Variants in RBMS3 observed in about 807,000 individuals in gnomAD.
RBMS3 encodes the protein RNA binding motif single stranded interacting protein 3.
Under a neutral mutation model 66.8 loss-of-function variants are expected in RBMS3, and 27 were observed. That is an observed-to-expected ratio of 0.40 (90% CI 0.30 to 0.56). RBMS3 has a LOEUF of 0.56. Ranked by LOEUF, RBMS3 falls within the 20% of genes least tolerant of loss-of-function variation. RBMS3 has a pLI of 0.40. For synonymous variants in RBMS3, 188 were observed against 183.0 expected (o/e 1.03, Z -0.22); for missense variants, 513 against 549.5 (o/e 0.93, Z 0.66).
intron 4 of RBMS3, among the ~76,000 whole-genome samples, chr3:29,611,499 G>GTATTTGATGTGTTA: frequency 6.6e-6 from 1 of 151,846 alleles, no homozygotes; most frequent in East Asian, 1.9e-4. Flanking sequence ...ATTTGGATGA[G>GTATTTGATGTGTTA]TTTGATGTGT....
intron 4 of RBMS3, among the ~76,000 whole-genome samples, chr3:29,739,324 C>A (rs528942821): frequency 2.8e-4 from 42 of 152,044 alleles, no homozygotes; most frequent in African/African-American, 9.6e-4. Flanking sequence ...GGCGTGGTGG[C>A]GGGCGCCTGT....
At chr3:29,901,274 A>G (rs1410409189) in intron 10 of RBMS3, among the ~76,000 whole-genome samples, 2 of 151,834 alleles carry the variant, frequency 1.3e-5, no homozygotes, top group Non-Finnish European at 2.9e-5. Flanking sequence ...AAAAGGAAAG[A>G]AGTCCTGCCA....
intron 1 of RBMS3, among the ~76,000 whole-genome samples, chr3:29,348,424 A>C (rs1348694220): frequency 1.3e-5 from 2 of 152,300 alleles, no homozygotes; most frequent in Non-Finnish European, 2.9e-5. Flanking sequence ...TTGTTCATCG[A>C]GCATATAGTC....
intron 2 of RBMS3, among the ~76,000 whole-genome samples, chr3:29,471,223 C>CT (rs1161410943): frequency 3.3e-5 from 5 of 152,160 alleles, no homozygotes; most frequent in Non-Finnish European, 7.4e-5. Flanking sequence ...TTTTCCAACT[C>CT]TGAGTTTATG....
intron 4 of RBMS3, among the ~76,000 whole-genome samples, chr3:29,712,201 G>T (rs2053200329): frequency 6.6e-6 from 1 of 152,120 alleles, no homozygotes. Flanking sequence ...ATCTCACCTT[G>T]ACTGGGTTAA....
At chr3:29,290,631 A>G (rs543694193) in intron 1 of RBMS3, 17 of 151,960 alleles carry the variant, frequency 1.1e-4, no homozygotes, top group Admixed American at 9.9e-4. Flanking sequence ...CCTTTTCTCA[A>G]TGTATTTCAA....
intron 3 of RBMS3, among the ~76,000 whole-genome samples, chr3:29,582,466 G>T (rs1225308248): frequency 6.6e-6 from 1 of 152,188 alleles, no homozygotes; most frequent in African/African-American, 2.4e-5. Flanking sequence ...GGAGAAAACA[G>T]TGACATTCAG....
chr3:29,282,099 C>A (rs2031851908), intron 1 of RBMS3, among the ~76,000 whole-genome samples: 1 of 152,108 alleles, frequency 6.6e-6, no homozygotes, highest in Non-Finnish European at 1.5e-5. Flanking sequence ...TTACCAGGCA[C>A]AAGAATATAA....
At chr3:29,833,578 C>G (rs2058427747) in intron 6 of RBMS3, among the ~76,000 whole-genome samples, 1 of 151,980 alleles carries the variant, frequency 6.6e-6, no homozygotes, top group South Asian at 2.1e-4. Flanking sequence ...CTGCCTTCAT[C>G]AAACAGAAAT....
chr3:29,298,435 C>A (rs1357010033), intron 1 of RBMS3, among the ~76,000 whole-genome samples: 1 of 151,868 alleles, frequency 6.6e-6, no homozygotes, highest in African/African-American at 2.4e-5. Flanking sequence ...ATTTTATAAT[C>A]TTCAGGAAAC....
At chr3:29,368,465 C>T (rs373447583) in intron 1 of RBMS3, among the ~76,000 whole-genome samples, 15 of 151,380 alleles carry the variant, frequency 9.9e-5, no homozygotes, top group Non-Finnish European at 1.9e-4. Flanking sequence ...AATAGGTATT[C>T]GGTAAATATT....
intron 14 of RBMS3, among the ~76,000 whole-genome samples, chr3:30,003,276 C>CA (rs1260023452): frequency 6.6e-6 from 1 of 151,836 alleles, no homozygotes; most frequent in Admixed American, 6.6e-5. Flanking sequence ...TAGTTAAACA[C>CA]CTATTGTGTA....
intron 4 of RBMS3, among the ~76,000 whole-genome samples, chr3:29,703,174 C>T (rs1051323514): frequency 3.3e-5 from 5 of 152,202 alleles, no homozygotes; most frequent in African/African-American, 7.2e-5. Flanking sequence ...CATTACATTT[C>T]CGAAGCCATA....
At chr3:29,498,782 C>A (rs1183733707) in intron 3 of RBMS3, among the ~76,000 whole-genome samples, 1 of 152,140 alleles carries the variant, frequency 6.6e-6, no homozygotes, top group Admixed American at 6.6e-5. Flanking sequence ...GACTTGGATA[C>A]CTTCTAGGAA....
At chr3:29,888,966 A>T (rs568681903) in intron 8 of RBMS3, among the ~76,000 whole-genome samples, 1 of 151,772 alleles carries the variant, frequency 6.6e-6, no homozygotes, top group African/African-American at 2.4e-5. Flanking sequence ...CCCCCCACGA[A>T]CAATTTTCAC....
chr3:29,913,856 C>A (rs2060575732), intron 10 of RBMS3, among the ~76,000 whole-genome samples: 1 of 151,870 alleles, frequency 6.6e-6, no homozygotes, highest in South Asian at 2.1e-4. Context: ...CATTATGCTT[C>A]CAAGTTTGTG....
chr3:29,809,777 C>T (rs1332776669), intron 6 of RBMS3, among the ~76,000 whole-genome samples: 26 of 151,836 alleles, frequency 1.7e-4, no homozygotes, highest in Admixed American at 1.7e-3. Context: ...ACTGATATTT[C>T]CTGTGAAGGC....
At chr3:29,891,212 GC>G (rs1295100012) in intron 8 of RBMS3, among the ~76,000 whole-genome samples, 1 of 151,618 alleles carries the variant, frequency 6.6e-6, no homozygotes, top group Non-Finnish European at 1.5e-5. Context: ...CCCGAAGTTA[GC>G]TTGATTGTTA....
chr3:29,557,228 A>G (rs2046397283), intron 3 of RBMS3, among the ~76,000 whole-genome samples: 1 of 152,218 alleles, frequency 6.6e-6, no homozygotes, highest in Non-Finnish European at 1.5e-5. Flanking sequence ...AGCTGTGTAA[A>G]TATACCCTCT....
Sources: gnomAD v4.1 joint callset for allele counts (sites outside exome capture counted in the v4.1 genomes callset) on GRCh38, gnomAD v4.1.1 for gene constraint, MANE v1.5 for transcripts, NCBI Gene and HGNC (gene_info 2026-07-23, HGNC 2026-07-21) for gene names.